Variants in RABGAP1 observed in about 807,000 individuals in gnomAD.
RABGAP1 encodes RAB GTPase activating protein 1, also known as rab GTPase-activating protein 1.
In RABGAP1, 23 loss-of-function variants were observed where a neutral mutation model predicts 137.6. The ratio of observed to expected loss-of-function variants is 0.17; its 90% CI spans 0.12 to 0.24. The LOEUF is 0.24. Ranked by LOEUF, RABGAP1 falls within the 10% of genes least tolerant of loss-of-function variation. The pLI, the probability that RABGAP1 is intolerant of heterozygous loss-of-function variation, is 1.00. For missense variants in RABGAP1, 906 were observed against 1,275.8 expected (o/e 0.71, Z 4.42); for synonymous variants, 451 against 450.7 (o/e 1.00, Z -0.01).
chr9:123,012,782 A>G (rs1179759138), intron 11 of RABGAP1, among the ~76,000 whole-genome samples: 2 of 152,212 alleles, frequency 1.3e-5, no homozygotes, highest in Non-Finnish European at 2.9e-5. Flanking sequence ...AACCCCCTAG[A>G]ATTCATTTTT....
intron 1 of RABGAP1, among the ~76,000 whole-genome samples, chr9:122,954,375 C>CA (rs1564355856): frequency 6.6e-6 from 1 of 152,208 alleles, no homozygotes; most frequent in East Asian, 1.9e-4. Context: ...TTTTGATAAA[C>CA]CTCATTCCTG....
At chr9:123,081,006 A>C (rs2034689913) in intron 19 of RABGAP1, among the ~76,000 whole-genome samples, 1 of 152,118 alleles carries the variant, frequency 6.6e-6, no homozygotes, top group Non-Finnish European at 1.5e-5. Context: ...CCTTTGAGAC[A>C]GAAAGACCAA....
At chr9:123,016,312 G>A (rs2031224478) in intron 12 of RABGAP1, among the ~76,000 whole-genome samples, 2 of 152,060 alleles carry the variant, frequency 1.3e-5, no homozygotes, top group Non-Finnish European at 1.5e-5. Context: ...TTCAAGACCA[G>A]CCTGGACAAC....
chr9:123,054,006 T>C (rs1000693261), intron 13 of RABGAP1, among the ~76,000 whole-genome samples: 2 of 152,222 alleles, frequency 1.3e-5, no homozygotes, highest in African/African-American at 4.8e-5. Flanking sequence ...CCAGAAAGAT[T>C]ACAGAATGTG....
intron 13 of RABGAP1, among the ~76,000 whole-genome samples, chr9:123,057,859 C>T (rs2033799543): frequency 6.6e-6 from 1 of 152,180 alleles, no homozygotes; most frequent in African/African-American, 2.4e-5. Context: ...GAGACCAGCC[C>T]CGCCAACACA....
At chr9:123,090,210 C>A in intron 20 of RABGAP1, 65 bp from the exon 21 acceptor site, 1 of 1,264,128 alleles carries the variant, frequency 7.9e-7, no homozygotes, top group South Asian at 1.4e-5. Context: ...GAGGTTTAGC[C>A]CTGAGAAATT....
chr9:122,983,166 CAA>C (rs59686226), intron 2 of RABGAP1, among the ~76,000 whole-genome samples: 9 of 83,880 alleles, frequency 1.1e-4, no homozygotes, highest in Admixed American at 1.3e-4. Context: ...CTGCGCCCAG[CAA>C]AAAAAAAAAA....
chr9:123,044,733 C>T (rs893925419), intron 13 of RABGAP1, among the ~76,000 whole-genome samples: 4 of 151,776 alleles, frequency 2.6e-5, no homozygotes, highest in African/African-American at 7.3e-5. Context: ...GAGAGGAATG[C>T]AAAATGCCAT....
In RABGAP1 at chr9:123,076,724, A is replaced by G; in HGVS notation, c.2386A>G (p.Asn796Asp). The stretch of plus-strand genomic sequence containing the variant: ...TCCTAAGAGATACCGCTCAGAAGAA[A>G]ATGCAAAAAAACTAATGGAATTAGC... The part of the protein sequence containing the change: ...QLPKRYRSEE[N>D]AKKLMELACN... Residue 796 changes from asparagine to aspartate, a missense_variant, in exon 19 of 26, where the codon AAT (asparagine) becomes GAT (aspartate). Coordinates refer to ENST00000373647, the MANE Select transcript of RABGAP1 (RefSeq NM_012197.4). 1 of 1,604,332 alleles carries G rather than the reference A, an allele frequency of 6.2e-7. No homozygotes were observed. The highest frequency in any genetic ancestry group is 8.5e-7 in the Non-Finnish European group (1 of 1,175,298).
chr9:122,992,177 C>G (rs1836760524), intron 6 of RABGAP1, among the ~76,000 whole-genome samples: 1 of 151,984 alleles, frequency 6.6e-6, no homozygotes, highest in Non-Finnish European at 1.5e-5. Context: ...GCTGGGATTA[C>G]AAGCATCTGC....
chr9:122,951,261 C>T (rs752218245), intron 1 of RABGAP1, among the ~76,000 whole-genome samples: 5 of 152,170 alleles, frequency 3.3e-5, no homozygotes, highest in Non-Finnish European at 5.9e-5. Context: ...TAGTATCACC[C>T]ACACCTCTTA....
chr9:122,996,363 G>C, intron 7 of RABGAP1, 176 bp from the exon 8 acceptor site: 2 of 1,130,158 alleles, frequency 1.8e-6, no homozygotes, highest in Non-Finnish European at 2.4e-6. Flanking sequence ...GTAATAAAAG[G>C]CAAACGGAAT....
intron 5 of RABGAP1, chr9:122,989,774 A>G (rs1371031140): frequency 5.8e-6 from 3 of 517,302 alleles, no homozygotes; most frequent in African/African-American, 5.7e-5. Flanking sequence ...AAAACTTGTT[A>G]GGACTGTTTT....
At position 122,964,170 on chromosome 9, in the gene RABGAP1, C is replaced by T. The variant is rs553955799; in HGVS notation, c.150+6961C>T. 7.2e-4 allele frequency among the ~76,000 whole-genome samples: 110 copies of T among 152,280 alleles called. 2 individuals are homozygous for T. The highest frequency in any genetic ancestry group is 2.1e-3 in the Admixed American group (32 of 15,292). On this transcript the variant is annotated intron_variant, in intron 2 of 25. Coordinates refer to ENST00000373647, the MANE Select transcript of RABGAP1 (RefSeq NM_012197.4). ...AGAATTAATATCTATTCTGCACAAA[C>T]TCTTCTCTGGAATAGAAAAGTAGGG...
intron 2 of RABGAP1, among the ~76,000 whole-genome samples, chr9:122,980,445 G>T (rs1247968294): frequency 6.6e-6 from 1 of 152,168 alleles, no homozygotes; most frequent in Non-Finnish European, 1.5e-5. Flanking sequence ...TCACTTCATT[G>T]TAATAGTACA....
chr9:122,990,380 T>G (rs1289291051), intron 6 of RABGAP1, 167 bp downstream of exon 6: 2 of 504,330 alleles, frequency 4.0e-6, no homozygotes, highest in African/African-American at 2.0e-5. Flanking sequence ...AGAGGCAAAG[T>G]TTGAAGAATT....
chr9:123,047,919 G>GGTT (rs769473871), intron 13 of RABGAP1, among the ~76,000 whole-genome samples: 2 of 62,252 alleles, frequency 3.2e-5, no homozygotes, highest in Non-Finnish European at 7.1e-5. Context: ...CAGCTGCTGG[G>GGTT]TTTTTTTTTT....
intron 13 of RABGAP1, among the ~76,000 whole-genome samples, chr9:123,025,951 T>C (rs1169679143): frequency 6.6e-6 from 1 of 152,112 alleles, no homozygotes; most frequent in Non-Finnish European, 1.5e-5. Context: ...CCCCATCTAA[T>C]TCCTGAATTT....
the RABGAP1 span, among the ~76,000 whole-genome samples, chr9:122,934,667 G>A: frequency 2.8e-4 from 21 of 73,986 alleles, no homozygotes; most frequent in South Asian, 3.0e-3. Context: ...CACACTTGAC[G>A]CCTTTATTTT....
Sources: gnomAD v4.1 joint callset for allele counts (sites outside exome capture counted in the v4.1 genomes callset) on GRCh38, gnomAD v4.1.1 for gene constraint, MANE v1.5 for transcripts, NCBI Gene and HGNC (gene_info 2026-07-23, HGNC 2026-07-21) for gene names.